The following DPY30 variants were observed in gnomAD, a reference collection of about 807,000 sequenced individuals.
The protein encoded by DPY30 is dpy-30 histone methyltransferase complex regulatory subunit.
In DPY30, 6 loss-of-function variants were observed where a neutral mutation model predicts 16.2. That is an observed-to-expected ratio of 0.37 (90% CI 0.20 to 0.73). The LOEUF (loss-of-function observed/expected upper bound fraction) is 0.73, where lower values mean the gene tolerates loss of function less well. Among genes scored for constraint, DPY30 ranks in the 30% least tolerant of loss-of-function variants. The pLI is 0.51. For missense variants in DPY30, 73 were observed against 113.1 expected, an observed-to-expected ratio of 0.65 and a Z score of 1.61; for synonymous variants, 39 against 38.8, an observed-to-expected ratio of 1.00 and a Z score of -0.02.
intron 1 of DPY30, 66 bp from the exon 2 acceptor site, chr2:32,039,558 G>A (rs114148999): frequency 2.3e-4 from 344 of 1,517,418 alleles, no homozygotes; most frequent in Non-Finnish European, 2.9e-4. Flanking sequence ...AGGATGGAGT[G>A]CAGCCCAGCC....
At chr2:32,035,590 T>TC (rs1675703757) in intron 3 of DPY30, among the ~76,000 whole-genome samples, 2 of 148,514 alleles carry the variant, frequency 1.3e-5, no homozygotes, top group Non-Finnish European at 3.0e-5. Context: ...TTTCATCTTA[T>TC]TAAAAAAAAA....
At chr2:32,022,012 C>T (rs1270386454), downstream of DPY30, among the ~76,000 whole-genome samples, 4 of 151,920 alleles carry the variant, frequency 2.6e-5, no homozygotes, top group Non-Finnish European at 5.9e-5. Flanking sequence ...GAATTCGAGA[C>T]CAGCCTGGCC....
At chr2:32,034,513 AGGCC>A (rs1194237981) in intron 3 of DPY30, among the ~76,000 whole-genome samples, 5 of 152,344 alleles carry the variant, frequency 3.3e-5, no homozygotes, top group Middle Eastern at 3.4e-3. Context: ...AGATGGCACC[AGGCC>A]ATTCATGAGG....
chr2:32,013,906 G>T (rs570614253), intron 5 of DPY30, among the ~76,000 whole-genome samples: 1 of 152,174 alleles, frequency 6.6e-6, no homozygotes, highest in Non-Finnish European at 1.5e-5. Context: ...AACTCGGGAG[G>T]CTGAGGCAGG....
chr2:32,031,956 A>G (rs1009104129), intron 3 of DPY30, among the ~76,000 whole-genome samples: 8 of 152,112 alleles, frequency 5.3e-5, no homozygotes, highest in Non-Finnish European at 8.8e-5. Context: ...AATAGCTCTA[A>G]AAGGACAAAA....
At chr2:32,016,884 TTTG>T (rs879527669) in intron 5 of DPY30, among the ~76,000 whole-genome samples, 26 of 152,278 alleles carry the variant, frequency 1.7e-4, no homozygotes, top group African/African-American at 5.5e-4. Flanking sequence ...TAGTTTCTTT[TTTG>T]TTGTTGTTTT....
At chr2:32,039,677 C>A (rs1406771992) in intron 1 of DPY30, 56 bp downstream of exon 1, 1 of 609,292 alleles carries the variant, frequency 1.6e-6, no homozygotes. Context: ...GGAAACTCTA[C>A]GACAGTCCCA....
chr2:32,038,135 CTTTTTTT>C (rs35016868), intron 3 of DPY30, among the ~76,000 whole-genome samples: 1 of 108,058 alleles, frequency 9.3e-6, no homozygotes. Context: ...CATTTTCTTT[CTTTTTTT>C]TTTTTTTTTT....
chr2:32,029,363 A>AATT (rs1675448399), intron 4 of DPY30, among the ~76,000 whole-genome samples: 1 of 152,212 alleles, frequency 6.6e-6, no homozygotes, highest in Non-Finnish European at 1.5e-5. Context: ...GAAAAATCAA[A>AATT]ATTACATGTA....
chr2:32,035,335 G>A (rs955949970), intron 3 of DPY30, among the ~76,000 whole-genome samples: 4 of 151,994 alleles, frequency 2.6e-5, no homozygotes, highest in African/African-American at 9.7e-5. Flanking sequence ...CGGGCACGGT[G>A]GCTCACACTT....
intron 4 of DPY30, among the ~76,000 whole-genome samples, chr2:32,026,964 A>G (rs556055675): frequency 6.7e-6 from 1 of 149,352 alleles, no homozygotes; most frequent in African/African-American, 2.5e-5. Context: ...AATAGTGAGA[A>G]GGGCGAAAAG....
intron 3 of DPY30, 40 bp from the exon 4 acceptor site, chr2:32,029,776 A>G (rs756740352): frequency 6.2e-7 from 1 of 1,608,904 alleles, no homozygotes; most frequent in Non-Finnish European, 8.5e-7. Flanking sequence ...CATTTCAAAT[A>G]ACCAGGTTAT....
At chr2:32,017,175 G>A (rs536544190) in intron 5 of DPY30, among the ~76,000 whole-genome samples, 5 of 152,166 alleles carry the variant, frequency 3.3e-5, no homozygotes, top group Non-Finnish European at 7.4e-5. Context: ...GAGCCACGGC[G>A]CCCGGCCATA....
chr2:32,039,805 T>C lies in DPY30; in HGVS notation c.-109A>G. The C allele has an allele frequency of 2.8e-6, 1 of 354,812 alleles. No individual in the cohort carries two copies. Among genetic ancestry groups the C allele is most frequent in the Non-Finnish European group, 5.2e-6 (1 of 191,204 alleles). 22.0% of individuals were successfully genotyped at this position (354,812 alleles called of 1,614,324 possible). On this transcript the variant is annotated 5_prime_UTR_variant, in exon 1 of 5. Coordinates refer to ENST00000342166, the MANE Select transcript of DPY30 (RefSeq NM_001321209.2). ...CTCCCAGCACAAACAGCTCCGGCCG[T>C]AAGTGACGGCTGTCGCACGACTGCC...
chr2:32,032,772 T>C (rs1372283385), intron 3 of DPY30, among the ~76,000 whole-genome samples: 3 of 152,116 alleles, frequency 2.0e-5, no homozygotes, highest in Admixed American at 6.6e-5. Flanking sequence ...CCGAGGCAGC[T>C]GGACCACGAG....
downstream of DPY30, among the ~76,000 whole-genome samples, chr2:32,021,678 C>CAA (rs768177078): frequency 8.4e-6 from 1 of 119,640 alleles, no homozygotes; most frequent in South Asian, 2.6e-4. Context: ...GACTCCATCT[C>CAA]AAAAAAAAAA....
intron 3 of DPY30, among the ~76,000 whole-genome samples, chr2:32,034,751 C>A (rs549293639): frequency 2.0e-5 from 3 of 152,274 alleles, no homozygotes; most frequent in East Asian, 3.9e-4. Flanking sequence ...GTAATCCCAG[C>A]ACTTTGGGAG....
chr2:32,014,030 GAGAC>G (rs2148648664), intron 5 of DPY30, among the ~76,000 whole-genome samples: 1 of 149,128 alleles, frequency 6.7e-6, no homozygotes, highest in East Asian at 2.1e-4. Flanking sequence ...GAGAAAGAGA[GAGAC>G]AGAGAGGGAG....
rs751343784 is a variant in DPY30, at chr2:32,029,573, T to C, written c.227+21A>G. On this transcript the variant is annotated intron_variant, in intron 4 of 4. Transcript: ENST00000342166. Reference sequence around the variant, plus strand: ...ATTTTGCTTTCTTTACTAACTCCATTTGTGGACACAATTATCTTACCTTTC... The same window carrying C: ...ATTTTGCTTTCTTTACTAACTCCATCTGTGGACACAATTATCTTACCTTTC... 1.9e-5 allele frequency: 30 copies of C among 1,609,870 alleles called. No homozygotes were observed. The Admixed American group carries it at 4.8e-4, about 26-fold the overall frequency.
Sources: allele counts gnomAD v4.1 joint callset (sites outside exome capture counted in the v4.1 genomes callset), GRCh38; gene constraint gnomAD v4.1.1; transcripts MANE v1.5; gene names NCBI Gene and HGNC (gene_info 2026-07-23, HGNC 2026-07-21).